Variants in MAD1L1 observed in about 807,000 individuals in gnomAD.
The protein encoded by MAD1L1 is mitotic spindle assembly checkpoint protein MAD1.
In MAD1L1, 95 loss-of-function variants were observed where a neutral mutation model predicts 96.9. The observed-to-expected ratio is 0.98, with a 90% CI of 0.83 to 1.16. The LOEUF is 1.16. Among genes scored for constraint, MAD1L1 ranks in the 50% most tolerant of loss-of-function variants. The pLI, the probability that MAD1L1 is intolerant of heterozygous loss-of-function variation, is 0.00. For synonymous variants in MAD1L1, 473 were observed against 396.6 expected, an observed-to-expected ratio of 1.19 and a Z score of -2.29; for missense variants, 1,007 against 954.4, an observed-to-expected ratio of 1.06 and a Z score of -0.73.
chr7:2,071,748 G>A (rs981055215), intron 11 of MAD1L1, among the ~76,000 whole-genome samples: 14 of 152,038 alleles, frequency 9.2e-5, no homozygotes, highest in African/African-American at 2.9e-4. Context: ...AGCAGGGAGC[G>A]CTTTCACTGT....
At chr7:2,115,688 G>T (rs1165610988) in intron 11 of MAD1L1, among the ~76,000 whole-genome samples, 1 of 152,264 alleles carries the variant, frequency 6.6e-6, no homozygotes, top group African/African-American at 2.4e-5. Context: ...AGTCTGCATG[G>T]TTCCCGCATG....
At chr7:2,108,822 G>A (rs1299066570) in intron 11 of MAD1L1, among the ~76,000 whole-genome samples, 3 of 152,334 alleles carry the variant, frequency 2.0e-5, no homozygotes, top group East Asian at 3.9e-4. Context: ...GGCAGGAGCG[G>A]CTGTCAGAAA....
At chr7:2,021,965 G>GT (rs1245192315) in intron 12 of MAD1L1, among the ~76,000 whole-genome samples, 2 of 150,942 alleles carry the variant, frequency 1.3e-5, no homozygotes, top group South Asian at 2.2e-4. Context: ...TTATTCATCT[G>GT]TTTTTTTCGA....
At chr7:1,850,340 C>G (rs1053865475) in intron 18 of MAD1L1, among the ~76,000 whole-genome samples, 3 of 152,192 alleles carry the variant, frequency 2.0e-5, no homozygotes, top group African/African-American at 7.2e-5. Context: ...AGGCGCCCAC[C>G]CTGCCTCCTA....
At chr7:1,938,913 A>C (rs1233343713) in intron 16 of MAD1L1, among the ~76,000 whole-genome samples, 1 of 139,520 alleles carries the variant, frequency 7.2e-6, no homozygotes, top group Non-Finnish European at 1.5e-5. Context: ...GCACACACAC[A>C]CACACACACA....
intron 14 of MAD1L1, among the ~76,000 whole-genome samples, chr7:2,000,061 G>C (rs906988678): frequency 6.6e-6 from 1 of 152,236 alleles, no homozygotes; most frequent in South Asian, 2.1e-4. Context: ...AGAGCAGATG[G>C]GCACCTCTGA....
chr7:2,168,534 G>C (rs1790548507), intron 10 of MAD1L1, among the ~76,000 whole-genome samples: 1 of 152,220 alleles, frequency 6.6e-6, no homozygotes. Flanking sequence ...CTGCTGTGTG[G>C]CCTGGGCTTT....
intron 18 of MAD1L1, among the ~76,000 whole-genome samples, chr7:1,864,173 G>A (rs556597629): frequency 2.0e-4 from 30 of 152,334 alleles, no homozygotes; most frequent in African/African-American, 6.0e-4. Context: ...CAAAGACCCC[G>A]GGCCAGGGTC....
chr7:2,204,546 T>G (rs1394286397), intron 10 of MAD1L1, among the ~76,000 whole-genome samples: 1 of 152,224 alleles, frequency 6.6e-6, no homozygotes, highest in Non-Finnish European at 1.5e-5. Context: ...AAAGTTCAAA[T>G]CAATGGGATG....
intron 18 of MAD1L1, among the ~76,000 whole-genome samples, chr7:1,837,056 G>A (rs1157711370): frequency 6.6e-6 from 1 of 152,156 alleles, no homozygotes; most frequent in African/African-American, 2.4e-5. Context: ...GAGAACACCA[G>A]CAATGTACAT....
intron 11 of MAD1L1, among the ~76,000 whole-genome samples, chr7:2,069,776 G>A (rs577359149): frequency 3.9e-5 from 6 of 152,368 alleles, no homozygotes; most frequent in East Asian, 3.9e-4. Context: ...CCAGCCTGGC[G>A]CTAAGCACTG....
chr7:2,061,297 A>C (rs534798607), intron 12 of MAD1L1, among the ~76,000 whole-genome samples: 2 of 152,236 alleles, frequency 1.3e-5, no homozygotes, highest in Admixed American at 1.3e-4. Context: ...AGATTGAGCC[A>C]TTGCACTCCA....
rs1329144526 is a variant in MAD1L1, at chr7:1,936,911, C to T, written c.1597-14G>A. On this transcript the variant is annotated splice_polypyrimidine_tract_variant and intron_variant, in intron 16 of 18. Coordinates refer to ENST00000265854, the MANE Select transcript of MAD1L1 (RefSeq NM_001013836.2). ...GTCATAGTCACCCTGCAGGAACACA[C>T]ACAGCACAGGTCACCATGGCCCAGG... The T allele has an allele frequency of 3.8e-6, 6 of 1,574,090 alleles. No homozygotes were observed. The highest frequency in any genetic ancestry group is 5.2e-6 in the Non-Finnish European group (6 of 1,157,352).
intron 3 of MAD1L1, among the ~76,000 whole-genome samples, chr7:2,226,307 T>A (rs1195910425): frequency 1.3e-5 from 2 of 152,150 alleles, no homozygotes; most frequent in East Asian, 3.9e-4. Flanking sequence ...AAGGTGAGTG[T>A]GCACAAGGAG....
At chr7:2,028,081 C>T (rs1783060955) in intron 12 of MAD1L1, among the ~76,000 whole-genome samples, 1 of 152,064 alleles carries the variant, frequency 6.6e-6, no homozygotes, top group Admixed American at 6.5e-5. Context: ...ACAACAAAAC[C>T]CATGATATGT....
intron 2 of MAD1L1, 97 bp from the exon 3 acceptor site, chr7:2,230,240 C>T (rs1184717958): frequency 1.2e-5 from 11 of 911,100 alleles, no homozygotes; most frequent in Non-Finnish European, 1.8e-5. Context: ...ACTCCCCTAA[C>T]GCACATTGGA....
intron 11 of MAD1L1, among the ~76,000 whole-genome samples, chr7:2,121,848 G>A (rs1024291261): frequency 6.6e-6 from 1 of 152,158 alleles, no homozygotes; most frequent in Non-Finnish European, 1.5e-5. Flanking sequence ...ACCCTCTCCA[G>A]CACCGGGCAG....
At chr7:1,909,828 T>G (rs1787900684) in intron 17 of MAD1L1, among the ~76,000 whole-genome samples, 1 of 152,154 alleles carries the variant, frequency 6.6e-6, no homozygotes, top group Admixed American at 6.5e-5. Flanking sequence ...GCCTCCATGA[T>G]GAGCCATGAG....
chr7:2,061,780 A>G (rs1398686423), intron 12 of MAD1L1, among the ~76,000 whole-genome samples: 1 of 152,274 alleles, frequency 6.6e-6, no homozygotes, highest in Non-Finnish European at 1.5e-5. Context: ...AGCCAAGTGT[A>G]TTTTAAAAAG....
Sources: allele counts gnomAD v4.1 joint callset (sites outside exome capture counted in the v4.1 genomes callset), GRCh38; gene constraint gnomAD v4.1.1; transcripts MANE v1.5; gene names NCBI Gene and HGNC (gene_info 2026-07-23, HGNC 2026-07-21).